Variants in AASS observed in about 807,000 individuals in gnomAD.
The protein encoded by AASS is aminoadipate-semialdehyde synthase.
In AASS, 86 loss-of-function variants were observed where a neutral mutation model predicts 105.4. The observed-to-expected ratio is 0.82, with a 90% confidence interval of 0.69 to 0.98. The LOEUF (loss-of-function observed/expected upper bound fraction) is 0.98. AASS is among the 50% of genes least tolerant of loss of function. The pLI is 0.00. For synonymous variants in AASS, 381 were observed against 394.8 expected (o/e 0.96, Z 0.41); for missense variants, 1,048 against 1,143.2 (o/e 0.92, Z 1.20).
intron 9 of AASS, 122 bp from the exon 10 acceptor site, chr7:122,113,842 G>A: frequency 9.5e-7 from 1 of 1,054,846 alleles, no homozygotes; most frequent in Non-Finnish European, 1.4e-6. Flanking sequence ...GGCTTTTGGG[G>A]TCTTTTTCCT....
At chr7:122,121,159 G>T (rs898520741) in intron 4 of AASS, among the ~76,000 whole-genome samples, 1 of 151,684 alleles carries the variant, frequency 6.6e-6, no homozygotes, top group African/African-American at 2.4e-5. Flanking sequence ...TAGCTTTAGA[G>T]CCTTGTTTTA....
At chr7:122,078,317 A>T (rs79015708) in intron 22 of AASS, among the ~76,000 whole-genome samples, 4 of 146,234 alleles carry the variant, frequency 2.7e-5, no homozygotes, top group Admixed American at 1.4e-4. Flanking sequence ...CTAATGCATT[A>T]AAAAAAAAAA....
chr7:122,141,822 C>T (rs1361159937), intron 1 of AASS, among the ~76,000 whole-genome samples: 1 of 152,048 alleles, frequency 6.6e-6, no homozygotes, highest in African/African-American at 2.4e-5. Flanking sequence ...TTTCCTTACC[C>T]AGACAAAAAT....
intron 18 of AASS, among the ~76,000 whole-genome samples, chr7:122,090,823 C>T (rs1793863297): frequency 6.6e-6 from 1 of 152,058 alleles, no homozygotes; most frequent in Admixed American, 6.6e-5. Context: ...CCTGATTTTT[C>T]CCCTTATAAA....
At chr7:122,113,542 T>C (rs1466213981) in intron 10 of AASS, 56 bp downstream of exon 10, 5 of 1,593,902 alleles carry the variant, frequency 3.1e-6, no homozygotes, top group Non-Finnish European at 4.3e-6. Context: ...AATTTTAGAG[T>C]AGTATATCAA....
intron 11 of AASS, among the ~76,000 whole-genome samples, chr7:122,103,995 C>A (rs887446553): frequency 1.3e-5 from 2 of 151,726 alleles, no homozygotes; most frequent in African/African-American, 4.8e-5. Context: ...ACAAATTTAG[C>A]ACTAAAGGAA....
At position 122,076,408 on chromosome 7, in the gene AASS, A is replaced by T; in HGVS notation, c.*81T>A. 2.2e-6 allele frequency: 2 copies of T among 905,904 alleles called. No homozygotes were observed. The highest frequency in any genetic ancestry group is 4.8e-5 in the East Asian group (2 of 41,678). 56.1% of individuals were successfully genotyped at this position (905,904 alleles called of 1,614,324 possible). Reference sequence around the variant, plus strand: ...CATATTATGCTTTATACTTTAAAACAGCACATTAGCAAACCCATTTATCAC... The same window carrying T: ...CATATTATGCTTTATACTTTAAAACTGCACATTAGCAAACCCATTTATCAC... On this transcript the variant is annotated 3_prime_UTR_variant, in exon 24 of 24. Transcript: ENST00000417368.
chr7:122,118,498 ATTTT>A, intron 5 of AASS, 45 bp from the exon 6 acceptor site: 1 of 1,613,768 alleles, frequency 6.2e-7, no homozygotes, highest in Non-Finnish European at 8.5e-7. Flanking sequence ...CCAGCTCAGC[ATTTT>A]TTTTATTATT....
rs561793376 is a variant in AASS, at chr7:122,103,567, A to T, written c.1279-1887T>A. Among the ~76,000 whole-genome samples, 6 of 152,198 alleles carry T rather than the reference A, an allele frequency of 3.9e-5. No homozygotes were observed. The South Asian group carries it at 8.3e-4, about 21-fold the overall frequency. On this transcript the variant is annotated intron_variant, in intron 11 of 23. Transcript: ENST00000417368. ...ATATATTCAAATCCAGAATACCCTG[A>T]TACTACTATGGCACTCTGCAAAACA... is the stretch of plus-strand genomic sequence containing the variant.
At chr7:122,126,525 T>C (rs1247575458) in intron 3 of AASS, 66 bp from the exon 4 acceptor site, 13 of 1,268,158 alleles carry the variant, frequency 1.0e-5, no homozygotes, top group African/African-American at 4.4e-5. Context: ...TAAAGACATA[T>C]ATGAGCAAGT....
intron 21 of AASS, 200 bp downstream of exon 21, chr7:122,079,397 C>T: frequency 1.5e-6 from 2 of 1,334,250 alleles, no homozygotes; most frequent in Non-Finnish European, 2.0e-6. Context: ...ATAAGCATTT[C>T]TCAAATTCTA....
At chr7:122,090,665 A>C (rs1336369312) in intron 18 of AASS, among the ~76,000 whole-genome samples, 1 of 152,170 alleles carries the variant, frequency 6.6e-6, no homozygotes, top group African/African-American at 2.4e-5. Flanking sequence ...AGGTGCCTAC[A>C]ACACACAATT....
At chr7:122,092,142 A>G (rs896977838) in intron 17 of AASS, among the ~76,000 whole-genome samples, 5 of 151,700 alleles carry the variant, frequency 3.3e-5, no homozygotes, top group South Asian at 2.1e-4. Flanking sequence ...TTGTATTCAA[A>G]TTATATATTT....
At chr7:122,112,146 T>C (rs1794971579) in intron 11 of AASS, among the ~76,000 whole-genome samples, 1 of 152,188 alleles carries the variant, frequency 6.6e-6, no homozygotes, top group Non-Finnish European at 1.5e-5. Flanking sequence ...CCTTAACTTC[T>C]CTGTATTTGT....
chr7:122,113,641 G>A lies in AASS; in HGVS notation c.1123C>T (p.Pro375Ser), dbSNP rs751290319. 3 of 1,613,654 alleles carry A rather than the reference G, an allele frequency of 1.9e-6. No individual in the cohort carries two copies. The highest frequency in any genetic ancestry group is 1.7e-6 in the Non-Finnish European group (2 of 1,179,926). ...TGGTCTGCATCATACATGCAAAAGGGATGCTCTATTGTTGTACACTCAGTC... is the reference window on the plus strand; with the variant it reads ...TGGTCTGCATCATACATGCAAAAGGAATGCTCTATTGTTGTACACTCAGTC... ...FMTECTTIEH[P>S]FCMYDADQHI... The change falls in exon 10 of 24, where the codon CCC (proline) becomes TCC (serine). Residue 375 changes from proline (P) to serine (S), a missense_variant. Transcript: ENST00000417368.
rs1307641111 is a variant in AASS at position 122,076,104 on chromosome 7, G to A, written c.*385C>T. On this transcript the variant is annotated 3_prime_UTR_variant, in exon 24 of 24. Coordinates refer to ENST00000417368, the MANE Select transcript of AASS (RefSeq NM_005763.4). Reference sequence around the variant, plus strand: ...CAGGAGAATGGCGTGAACCCAGGAGGCGGAGCTTGCAGTGAGCCGAGATCG... The same window carrying A: ...CAGGAGAATGGCGTGAACCCAGGAGACGGAGCTTGCAGTGAGCCGAGATCG... 3.1e-5 allele frequency: 6 copies of A among 194,414 alleles called. No individual in the cohort carries two copies. Among genetic ancestry groups the A allele is most frequent in the Non-Finnish European group, 6.4e-5 (6 of 94,306 alleles). 12.0% of individuals were successfully genotyped at this position (194,414 alleles called of 1,614,324 possible).
At chr7:122,099,468 G>A (rs1794327636) in intron 13 of AASS, among the ~76,000 whole-genome samples, 1 of 151,898 alleles carries the variant, frequency 6.6e-6, no homozygotes, top group Admixed American at 6.6e-5. Flanking sequence ...TTCTTGAACA[G>A]TCTATTCTGC....
chr7:122,098,098 T>C (rs1363407883), intron 15 of AASS, among the ~76,000 whole-genome samples: 1 of 151,988 alleles, frequency 6.6e-6, no homozygotes, highest in African/African-American at 2.4e-5. Flanking sequence ...TGAGGATATA[T>C]TGAATGATTC....
intron 1 of AASS, among the ~76,000 whole-genome samples, chr7:122,136,974 C>T (rs1480247449): frequency 1.3e-5 from 2 of 152,276 alleles, no homozygotes; most frequent in Non-Finnish European, 2.9e-5. Flanking sequence ...CTTGCAAAGG[C>T]CAACTATCTT....
Sources: gnomAD v4.1 joint callset for allele counts (sites outside exome capture counted in the v4.1 genomes callset) on GRCh38, gnomAD v4.1.1 for gene constraint, MANE v1.5 for transcripts, NCBI Gene and HGNC (gene_info 2026-07-23, HGNC 2026-07-21) for gene names.